Variants in CFAP107 observed in about 807,000 individuals in gnomAD.
CFAP107 encodes the protein cilia and flagella associated protein 107.
At chr1:12,753,045 A>G in the CFAP107 span, among the ~76,000 whole-genome samples, 1 of 152,230 alleles carries the variant, frequency 6.6e-6, no homozygotes, top group Non-Finnish European at 1.5e-5. Flanking sequence ...TAAGCAAAGT[A>G]TGCAAAAGTT....
At chr1:12,759,220 AC>A in the CFAP107 span, 1 of 1,438,752 alleles carries the variant, frequency 7.0e-7, no homozygotes, top group South Asian at 1.3e-5. Context: ...AGCACCACAG[AC>A]CCCTACATGT....
the CFAP107 span, among the ~76,000 whole-genome samples, chr1:12,748,474 A>AC: frequency 0.028 from 4,211 of 150,034 alleles, 72 homozygotes; most frequent in East Asian, 0.065. Flanking sequence ...AAAAAAAAAA[A>AC]AAAAAACCAC....
the CFAP107 span, among the ~76,000 whole-genome samples, chr1:12,749,229 A>C: frequency 2.0e-5 from 3 of 152,362 alleles, no homozygotes; most frequent in East Asian, 5.8e-4. Context: ...GCACTTTATA[A>C]TTAAGATATT....
the CFAP107 span, chr1:12,762,072 T>G: frequency 6.6e-6 from 1 of 152,236 alleles, no homozygotes; most frequent in Admixed American, 6.5e-5. Flanking sequence ...TCAGTGATTT[T>G]GTACTGCACA....
the CFAP107 span, chr1:12,763,032 C>T: frequency 6.6e-6 from 1 of 152,056 alleles, no homozygotes; most frequent in Non-Finnish European, 1.5e-5. Flanking sequence ...ATTAAAAATA[C>T]AAAAATGAGC....
chr1:12,756,288 T>G, the CFAP107 span, among the ~76,000 whole-genome samples: 3 of 152,226 alleles, frequency 2.0e-5, no homozygotes, highest in African/African-American at 7.2e-5. Context: ...GTGTTCCAGG[T>G]GTTGGAAGCA....
chr1:12,759,340 C>T, the CFAP107 span: 3 of 1,614,138 alleles, frequency 1.9e-6, no homozygotes, highest in Non-Finnish European at 2.5e-6. Context: ...GATCACCCAC[C>T]ACCAGGAGCC....
At chr1:12,762,740 G>T in the CFAP107 span, 1 of 152,710 alleles carries the variant, frequency 6.5e-6, no homozygotes, top group Non-Finnish European at 1.5e-5. Flanking sequence ...GTAAATGGCT[G>T]CAGGACAGAG....
At chr1:12,755,948 G>C in the CFAP107 span, 29 of 616,448 alleles carry the variant, frequency 4.7e-5, no homozygotes. Context: ...CTCCCAGCCC[G>C]GGGGCTGCAG....
chr1:12,759,374 C>T, the CFAP107 span: 4 of 1,614,146 alleles, frequency 2.5e-6, no homozygotes, highest in South Asian at 1.1e-5. Flanking sequence ...CTGATCAGCA[C>T]CTATGACGAC....
the CFAP107 span, chr1:12,761,150 A>G: frequency 1.8e-6 from 1 of 548,982 alleles, no homozygotes; most frequent in Admixed American, 3.3e-5. Context: ...CCATCCAACA[A>G]TTAAAGATCT....
chr1:12,761,031 G>A, the CFAP107 span: 44 of 1,366,296 alleles, frequency 3.2e-5, no homozygotes, highest in African/African-American at 1.0e-4. Flanking sequence ...AACAAGTGGC[G>A]CAGATAAACT....
the CFAP107 span, among the ~76,000 whole-genome samples, chr1:12,747,071 C>CTT: frequency 0.049 from 7,073 of 142,996 alleles, 594 homozygotes; most frequent in African/African-American, 0.17. Flanking sequence ...TCAATTTTTA[C>CTT]TTTTTTTTTT....
At chr1:12,748,853 G>A in the CFAP107 span, among the ~76,000 whole-genome samples, 2 of 152,110 alleles carry the variant, frequency 1.3e-5, no homozygotes, top group African/African-American at 4.8e-5. Context: ...TGAGCAAAAT[G>A]AGAATATTAA....
chr1:12,759,293 T>C, the CFAP107 span: 44 of 1,611,714 alleles, frequency 2.7e-5, no homozygotes, highest in African/African-American at 2.5e-4. Context: ...ACGAGCCCAC[T>C]GTGTCTGTCC....
chr1:12,753,378 T>A, the CFAP107 span: 2 of 149,488 alleles, frequency 1.3e-5, no homozygotes, highest in African/African-American at 2.5e-5. Flanking sequence ...CATCCTAAAA[T>A]TCATATAAAA....
At chr1:12,750,943 A>G in the CFAP107 span, among the ~76,000 whole-genome samples, 2 of 152,188 alleles carry the variant, frequency 1.3e-5, no homozygotes, top group African/African-American at 2.4e-5. Context: ...AAAATCATAC[A>G]AAGTATCTTT....
At chr1:12,749,082 A>C in the CFAP107 span, among the ~76,000 whole-genome samples, 1 of 152,194 alleles carries the variant, frequency 6.6e-6, no homozygotes, top group Admixed American at 6.5e-5. Flanking sequence ...AGGAGAAGAG[A>C]GAGAGAAAGG....
the CFAP107 span, among the ~76,000 whole-genome samples, chr1:12,757,578 G>C: frequency 6.6e-6 from 1 of 151,928 alleles, no homozygotes; most frequent in African/African-American, 2.4e-5. Flanking sequence ...TAGAGATAGG[G>C]TTTTGCCATG....
Sources: gnomAD v4.1 joint callset for allele counts (sites outside exome capture counted in the v4.1 genomes callset) on GRCh38, gnomAD v4.1.1 for gene constraint, MANE v1.5 for transcripts, NCBI Gene and HGNC (gene_info 2026-07-23, HGNC 2026-07-21) for gene names.